Variants in SLC16A3 observed in about 807,000 individuals in gnomAD.
The protein encoded by SLC16A3 is monocarboxylate transporter 4.
Under a neutral mutation model 25.0 loss-of-function variants are expected in SLC16A3, and 22 were observed. The ratio of observed to expected loss-of-function variants is 0.88; its 90% CI spans 0.63 to 1.26. The LOEUF is 1.26. Among genes scored for constraint, SLC16A3 ranks in the 50% most tolerant of loss-of-function variants. The pLI, the probability that SLC16A3 is intolerant of heterozygous loss-of-function variation, is 0.00. For synonymous variants in SLC16A3, 390 were observed against 309.2 expected (o/e 1.26, Z -2.74); for missense variants, 731 against 666.6 (o/e 1.10, Z -1.06).
intron 1 of SLC16A3, chr17:82,232,122 G>C (rs1329892398): frequency 6.6e-6 from 1 of 152,282 alleles, no homozygotes; most frequent in African/African-American, 2.4e-5. Flanking sequence ...CCGCTTCCTT[G>C]GTCCTCAGGC....
intron 1 of SLC16A3, chr17:82,229,550 C>T (rs576468656): frequency 8.5e-5 from 13 of 152,482 alleles, no homozygotes; most frequent in African/African-American, 2.4e-4. Context: ...CACTTGCGCT[C>T]GGGCCGTGGC....
At chr17:82,221,922 C>T (rs937064953) in intron 1 of SLC16A3, among the ~76,000 whole-genome samples, 1 of 152,202 alleles carries the variant, frequency 6.6e-6, no homozygotes, top group Non-Finnish European at 1.5e-5. Flanking sequence ...GGCGCTGGTG[C>T]GGATGTGGAG....
At chr17:82,219,044 G>C (rs2050372948) in intron 1 of SLC16A3, among the ~76,000 whole-genome samples, 1 of 152,184 alleles carries the variant, frequency 6.6e-6, no homozygotes, top group Non-Finnish European at 1.5e-5. Flanking sequence ...GACGTTTCGG[G>C]GTTACCGTGA....
chr17:82,225,436 C>T (rs755948863), upstream of SLC16A3, among the ~76,000 whole-genome samples: 11 of 152,148 alleles, frequency 7.2e-5, no homozygotes, highest in African/African-American at 1.4e-4. Flanking sequence ...AGCCTGGGCA[C>T]GTCCCGCCAC....
At chr17:82,235,906 G>A in intron 1 of SLC16A3, 77 bp from the exon 2 acceptor site, 1 of 1,000,482 alleles carries the variant, frequency 1.0e-6, no homozygotes. Context: ...GGGCCACCCA[G>A]CTCGTGTCCC....
chr17:82,237,969 C>A (rs2050656064), intron 4 of SLC16A3, 76 bp downstream of exon 4: 3 of 1,502,426 alleles, frequency 2.0e-6, no homozygotes, highest in Non-Finnish European at 2.7e-6. Context: ...GGGGGGGACG[C>A]GCACCCCTCG....
chr17:82,230,130 C>T (rs899828068), intron 1 of SLC16A3: 1 of 152,638 alleles, frequency 6.6e-6, no homozygotes, highest in Non-Finnish European at 1.5e-5. Flanking sequence ...CTGCACAGGC[C>T]TGGAAGTCAG....
intron 1 of SLC16A3, among the ~76,000 whole-genome samples, chr17:82,220,691 T>C (rs2050383715): frequency 6.6e-6 from 1 of 152,128 alleles, no homozygotes; most frequent in African/African-American, 2.4e-5. Flanking sequence ...GATATCCACA[T>C]GCAAAGAATA....
intron 2 of SLC16A3, 143 bp from the exon 3 acceptor site, chr17:82,236,586 C>A: frequency 2.4e-6 from 3 of 1,237,406 alleles, no homozygotes; most frequent in South Asian, 2.8e-5. Context: ...GCTCGGGGAG[C>A]CTGCCCACGG....
upstream of SLC16A3, among the ~76,000 whole-genome samples, chr17:82,227,644 C>T (rs994997114): frequency 1.1e-3 from 23 of 21,646 alleles, no homozygotes; most frequent in Admixed American, 4.6e-3. Flanking sequence ...GCGGGAGCAC[C>T]ACCTGCCCTG....
Position 82,240,030 on chromosome 17 carries a change from G to A in SLC16A3, c.*1054G>A, listed in dbSNP as rs565814557. The A allele has an allele frequency of 5.2e-5, 64 of 1,233,828 alleles. No individual in the cohort carries two copies. The highest frequency in any genetic ancestry group is 2.0e-4 in the South Asian group (5 of 24,430). 76.4% of individuals were successfully genotyped at this position (1,233,828 alleles called of 1,614,324 possible). On this transcript the variant is annotated 3_prime_UTR_variant, in exon 5 of 5. Coordinates refer to ENST00000582743, the MANE Select transcript of SLC16A3 (RefSeq NM_004207.4). Reference sequence around the variant, plus strand: ...GGCAGCGGGTGCCCTGGCGGGCCGCGTGCAGCCGGAGAGATGCCATGTCCC... The same window carrying A: ...GGCAGCGGGTGCCCTGGCGGGCCGCATGCAGCCGGAGAGATGCCATGTCCC...
intron 1 of SLC16A3, chr17:82,235,751 C>T: frequency 1.8e-6 from 1 of 566,420 alleles, no homozygotes; most frequent in Non-Finnish European, 3.2e-6. Flanking sequence ...CCCTTTAGAG[C>T]CAGCTGTGAG....
At chr17:82,230,176 A>G (rs949288180) in intron 1 of SLC16A3, 4 of 152,418 alleles carry the variant, frequency 2.6e-5, no homozygotes, top group East Asian at 1.9e-4. Context: ...AGGAGGGTCT[A>G]TTCCGCCAGC....
At chr17:82,227,469 T>C (rs2050430625), upstream of SLC16A3, among the ~76,000 whole-genome samples, 2 of 151,862 alleles carry the variant, frequency 1.3e-5, no homozygotes, top group African/African-American at 4.8e-5. Flanking sequence ...CGGCAGGCAA[T>C]ACCCCATAGG....
At position 82,236,869 on chromosome 17, in the gene SLC16A3, A is replaced by C; in HGVS notation, c.364A>C (p.Thr122Pro). The C allele has an allele frequency of 1.2e-6, 2 of 1,605,300 alleles. No individual in the cohort carries two copies. The highest frequency in any genetic ancestry group is 2.2e-5 in the South Asian group (2 of 91,066). Residue 122 changes from threonine to proline, a missense_variant, in exon 3 of 5, where the codon ACG becomes CCG. Thr to Pro is a conservative substitution (Grantham distance 38, BLOSUM62 -1). Transcript: ENST00000582743. ...GGTCTACCTCACCACTGGGGTCATC[A>C]CGGGTGAGTGGGGCCGGCCGGTGGG... ...IQVYLTTGVITGLGLALNFQP... is the reference protein window; with the variant it reads ...IQVYLTTGVIPGLGLALNFQP...
At chr17:82,235,832 C>G in intron 1 of SLC16A3, 151 bp from the exon 2 acceptor site, 1 of 614,806 alleles carries the variant, frequency 1.6e-6, no homozygotes. Context: ...CCTGCCTCCA[C>G]CAGACACCAG....
intron 4 of SLC16A3, among the ~76,000 whole-genome samples, 172 bp from the exon 5 acceptor site, chr17:82,238,530 A>T (rs1385062348): frequency 6.6e-6 from 1 of 151,922 alleles, no homozygotes; most frequent in Non-Finnish European, 1.5e-5. Context: ...AGGAGGGAGG[A>T]TGCCCCCAGC....
chr17:82,237,949 G>A (rs2050654344), intron 4 of SLC16A3, 56 bp downstream of exon 4: 5 of 1,558,342 alleles, frequency 3.2e-6, no homozygotes, highest in Non-Finnish European at 4.3e-6. Flanking sequence ...TCAGACGCCC[G>A]CTTTGCGAGG....
At position 82,237,543 on chromosome 17, in the gene SLC16A3, T is replaced by C. The variant is rs2050638278; in HGVS notation, c.773T>C (p.Val258Ala). 2 of 1,611,112 alleles carry C rather than the reference T, an allele frequency of 1.2e-6. No individual in the cohort carries two copies. Among genetic ancestry groups the C allele is most frequent in the Non-Finnish European group, 1.7e-6 (2 of 1,178,888 alleles). Residue 258 changes from valine to alanine, a missense_variant, in exon 4 of 5, where the codon GTG becomes GCG. Coordinates refer to ENST00000582743, the MANE Select transcript of SLC16A3 (RefSeq NM_004207.4). The part of the protein sequence containing the change: ...FVVSYAKDLG[V>A]PDTKAAFLLT... ...GTGAGCTACGCCAAGGACCTGGGCG[T>C]GCCCGACACCAAGGCCGCCTTCCTG... is the stretch of plus-strand genomic sequence containing the variant.
Sources: gnomAD v4.1 joint callset for allele counts (sites outside exome capture counted in the v4.1 genomes callset) on GRCh38, gnomAD v4.1.1 for gene constraint, MANE v1.5 for transcripts, NCBI Gene and HGNC (gene_info 2026-07-23, HGNC 2026-07-21) for gene names.